PSAT1: variants seen among roughly 807,000 people sequenced by gnomAD.
PSAT1 encodes phosphoserine aminotransferase.
PSAT1 carries 41 observed loss-of-function variants against 40.3 expected under a neutral mutation model. The observed-to-expected ratio is 1.02, with a 90% CI of 0.79 to 1.32. The LOEUF is 1.32. PSAT1 is among the 40% of genes most tolerant of loss of function. The pLI is 0.00. For missense variants in PSAT1, 406 were observed against 455.8 expected (o/e 0.89, Z 0.99); for synonymous variants, 147 against 170.5 (o/e 0.86, Z 1.07).
Position 78,329,392 on chromosome 9 carries a change from CTT to C in PSAT1, c.*307_*308del. 1 of 387,018 alleles carries C rather than the reference CTT, an allele frequency of 2.6e-6. No homozygotes were observed. Among genetic ancestry groups the C allele is most frequent in the Non-Finnish European group, 4.9e-6 (1 of 204,646 alleles). The allele number at this position is 387,018 out of a possible 1,614,324, so 24.0% of individuals were successfully genotyped here. A position where few individuals can be genotyped will look rare whatever the true frequency, so the allele number is the denominator to read the frequency against. ...GTTAGATTTCAAACTTGCCTGTGGACTTAATAATGCAAGTTGCGATTAATTAT... is the reference window on the plus strand; with the variant it reads ...GTTAGATTTCAAACTTGCCTGTGGACAATAATGCAAGTTGCGATTAATTAT... On this transcript the variant is annotated 3_prime_UTR_variant, in exon 9 of 9. Coordinates refer to ENST00000376588, the MANE Select transcript of PSAT1 (RefSeq NM_058179.4).
intron 6 of PSAT1, 128 bp downstream of exon 6, chr9:78,308,711 T>C (rs1587638219): frequency 8.0e-6 from 9 of 1,120,558 alleles, no homozygotes; most frequent in African/African-American, 1.6e-5. Flanking sequence ...ATCTTAGCAA[T>C]TTGGGAGGCT....
chr9:78,322,815 G>A (rs141005228), intron 7 of PSAT1, among the ~76,000 whole-genome samples: 1 of 152,286 alleles, frequency 6.6e-6, no homozygotes, highest in East Asian at 1.9e-4. Context: ...AGGAAATGCA[G>A]ATTAAACCCA....
At position 78,329,944 on chromosome 9, in the gene PSAT1, A is replaced by G. The variant is rs1022999589; in HGVS notation, c.*858A>G. ...GCCATTAAACTAAACATTTCTGTTA[A>G]ATTACCCTATCCTTTGTTCTCTACT... On this transcript the variant is annotated 3_prime_UTR_variant, in exon 9 of 9. Coordinates refer to ENST00000376588, the MANE Select transcript of PSAT1 (RefSeq NM_058179.4). 8 of 152,224 alleles carry G rather than the reference A, an allele frequency of 5.3e-5. No homozygotes were observed. Among genetic ancestry groups the G allele is most frequent in the African/African-American group, 1.9e-4 (8 of 41,452 alleles). The allele number at this position is 152,224 out of a possible 1,614,324, so 9.4% of individuals were successfully genotyped here. A position where few individuals can be genotyped will look rare whatever the true frequency, so the allele number is the denominator to read the frequency against.
At chr9:78,302,708 T>C (rs1320690478) in intron 3 of PSAT1, among the ~76,000 whole-genome samples, 9 of 131,316 alleles carry the variant, frequency 6.9e-5, no homozygotes, top group African/African-American at 2.1e-4. Context: ...CATTCCAGCT[T>C]AGGTGACAAA....
At chr9:78,308,611 C>A in intron 6 of PSAT1, 28 bp downstream of exon 6, 1 of 1,612,136 alleles carries the variant, frequency 6.2e-7, no homozygotes, top group Non-Finnish European at 8.5e-7. Flanking sequence ...TCTTGTGGAC[C>A]CAGGGAGGGG....
chr9:78,325,424 G>A (rs965357894), intron 7 of PSAT1, among the ~76,000 whole-genome samples: 1 of 152,148 alleles, frequency 6.6e-6, no homozygotes, highest in East Asian at 1.9e-4. Context: ...CCACAGCCCC[G>A]GCCCTGTAGG....
intron 1 of PSAT1, among the ~76,000 whole-genome samples, chr9:78,299,514 CTTT>C (rs57722137): frequency 4.2e-5 from 5 of 118,518 alleles, no homozygotes; most frequent in Non-Finnish European, 6.6e-5. Flanking sequence ...TAATCTAATT[CTTT>C]TTTTTTTTTT....
chr9:78,322,846 A>G (rs2118698502), intron 7 of PSAT1, among the ~76,000 whole-genome samples: 1 of 152,312 alleles, frequency 6.6e-6, no homozygotes, highest in South Asian at 2.1e-4. Flanking sequence ...TTTGCCTTTC[A>G]TCTGCATACA....
chr9:78,318,030 GGTGAT>G (rs1307713418), intron 7 of PSAT1, among the ~76,000 whole-genome samples: 4 of 152,120 alleles, frequency 2.6e-5, no homozygotes, highest in Admixed American at 1.3e-4. Flanking sequence ...CCCAGTGGGT[GGTGAT>G]GTTTCTCACA....
rs751156869 is a variant in PSAT1 at position 78,329,135 on chromosome 9, T to G, written c.*49T>G. ...CTGTTCTTGAACAACATACAAAGTT[T>G]AAAGTAACTTGGGGATGGCTACAAA... is the stretch of plus-strand genomic sequence containing the variant. On this transcript the variant is annotated 3_prime_UTR_variant, in exon 9 of 9. Coordinates refer to ENST00000376588, the MANE Select transcript of PSAT1 (RefSeq NM_058179.4). The G allele has an allele frequency of 1.5e-6, 2 of 1,343,172 alleles. No individual in the cohort carries two copies. The highest frequency in any genetic ancestry group is 1.1e-6 in the Non-Finnish European group (1 of 935,396). 83.2% of individuals were successfully genotyped at this position (1,343,172 alleles called of 1,614,324 possible).
In PSAT1 at chr9:78,317,776, A is replaced by T. The variant is rs1428540462; in HGVS notation, c.841A>T (p.Ile281Phe). Residue 281 changes from isoleucine (I) to phenylalanine (F), a missense_variant, in exon 7 of 9, where the codon ATT becomes TTT. By Grantham distance (21) the Ile-to-Phe change is conservative. Coordinates refer to ENST00000376588, the MANE Select transcript of PSAT1 (RefSeq NM_058179.4). ...SSIKSQTIYEIIDNSQGFYVC... is the reference protein window; with the variant it reads ...SSIKSQTIYEFIDNSQGFYVC... ...CATCAAATCTCAAACAATTTATGAGATTATTGATAATTCTCAAGGATTCTA... is the reference window on the plus strand; with the variant it reads ...CATCAAATCTCAAACAATTTATGAGTTTATTGATAATTCTCAAGGATTCTA... 7.4e-6 allele frequency: 12 copies of T among 1,613,090 alleles called. No individual in the cohort carries two copies. Among genetic ancestry groups the T allele is most frequent in the Non-Finnish European group, 1.0e-5 (12 of 1,179,830 alleles).
At chr9:78,322,856 A>G (rs1474436873) in intron 7 of PSAT1, among the ~76,000 whole-genome samples, 1 of 152,168 alleles carries the variant, frequency 6.6e-6, no homozygotes, top group East Asian at 1.9e-4. Context: ...ATCTGCATAC[A>G]TTAAAAGGAT....
intron 7 of PSAT1, among the ~76,000 whole-genome samples, chr9:78,320,124 A>C (rs1289644449): frequency 1.4e-5 from 2 of 148,032 alleles, no homozygotes; most frequent in Non-Finnish European, 3.0e-5. Context: ...CTACCCACTC[A>C]CTCATCCATC....
intron 6 of PSAT1, among the ~76,000 whole-genome samples, chr9:78,315,839 C>A (rs1017072261): frequency 1.3e-5 from 2 of 152,210 alleles, no homozygotes; most frequent in Non-Finnish European, 2.9e-5. Flanking sequence ...ATTTTCCAGA[C>A]CCCATAATGT....
rs1449500463 is a variant in PSAT1, at chr9:78,306,546, T to A, written c.570+60T>A. On this transcript the variant is annotated intron_variant, in intron 5 of 8. Transcript: ENST00000376588. The stretch of plus-strand genomic sequence containing the variant: ...TGACTCGGTGTCTGCAGGGACATTT[T>A]AATATATACAAGAGCGGGAAGAACC... 98 of 1,597,098 alleles carry A rather than the reference T, an allele frequency of 6.1e-5. 1 individual carries two copies. The highest frequency in any genetic ancestry group is 1.7e-4 in the Middle Eastern group (1 of 5,974).
At chr9:78,315,011 A>G (rs573622699) in intron 6 of PSAT1, among the ~76,000 whole-genome samples, 1 of 123,520 alleles carries the variant, frequency 8.1e-6, no homozygotes, top group Non-Finnish European at 1.9e-5. Context: ...AACAGGCTGC[A>G]GGTGTGGGAG....
chr9:78,308,083 T>TA lies in PSAT1; in HGVS notation c.571-330dup, dbSNP rs527294903. On this transcript the variant is annotated intron_variant, in intron 5 of 8. Coordinates refer to ENST00000376588, the MANE Select transcript of PSAT1 (RefSeq NM_058179.4). The stretch of plus-strand genomic sequence containing the variant: ...TCTTCTCTTGGTAACCAGGGAGAGT[T>TA]AGAGGCCCCACGTTAAAGACTCCTT... Among the ~76,000 whole-genome samples, 83 of 152,168 alleles carry TA rather than the reference T, an allele frequency of 5.5e-4. 1 individual carries two copies. The highest frequency in any genetic ancestry group is 2.0e-3 in the African/African-American group (82 of 41,526).
intron 3 of PSAT1, among the ~76,000 whole-genome samples, chr9:78,304,247 T>C (rs1488476839): frequency 6.6e-6 from 1 of 152,222 alleles, no homozygotes; most frequent in African/African-American, 2.4e-5. Context: ...TGCTTTCTTA[T>C]GTGTTCTCTT....
At position 78,297,158 on chromosome 9, in the gene PSAT1, C is replaced by T. The variant is rs1287941600; in HGVS notation, c.-53C>T. The stretch of plus-strand genomic sequence containing the variant: ...TCACCGCAGCGGCCAGGAACGCCAG[C>T]CGTTCACGCGTTCGGTCCTCCTTGG... On this transcript the variant is annotated 5_prime_UTR_variant, in exon 1 of 9. Transcript: ENST00000376588. 2.2e-5 allele frequency: 34 copies of T among 1,538,440 alleles called. 2 individuals carry two copies. In the South Asian group the frequency reaches 4.0e-4, roughly 18 times the overall value.
Sources: allele counts gnomAD v4.1 joint callset (sites outside exome capture counted in the v4.1 genomes callset), GRCh38; gene constraint gnomAD v4.1.1; transcripts MANE v1.5; gene names NCBI Gene and HGNC (gene_info 2026-07-23, HGNC 2026-07-21).